TECRL: variants seen among roughly 807,000 people sequenced by gnomAD.
TECRL encodes trans-2,3-enoyl-CoA reductase like, also known as trans-2,3-enoyl-CoA reductase-like.
A neutral mutation model predicts 52.8 loss-of-function variants in TECRL; 63 were observed. The observed-to-expected ratio is 1.19, with a 90% CI of 0.97 to 1.47. The LOEUF (loss-of-function observed/expected upper bound fraction) is 1.47, where lower values mean the gene tolerates loss of function less well. TECRL is among the 40% of genes most tolerant of loss of function. TECRL has a pLI of 0.00. For synonymous variants in TECRL, 164 were observed against 141.9 expected, an observed-to-expected ratio of 1.16 and a Z score of -1.10; for missense variants, 482 against 429.6, an observed-to-expected ratio of 1.12 and a Z score of -1.08.
At chr4:64,311,355 T>C (rs149555838) in intron 5 of TECRL, among the ~76,000 whole-genome samples, 122 of 152,264 alleles carry the variant, frequency 8.0e-4, no homozygotes, top group African/African-American at 2.9e-3. Context: ...ATCATGAATG[T>C]CTGGGGGAAG....
chr4:64,321,455 G>A (rs1258069840), intron 4 of TECRL, among the ~76,000 whole-genome samples: 1 of 151,790 alleles, frequency 6.6e-6, no homozygotes, highest in Non-Finnish European at 1.5e-5. Flanking sequence ...AATATGGAGT[G>A]GAATGTAAAT....
chr4:64,383,235 A>G (rs1210723593), intron 1 of TECRL, among the ~76,000 whole-genome samples: 1 of 151,982 alleles, frequency 6.6e-6, no homozygotes, highest in Non-Finnish European at 1.5e-5. Flanking sequence ...TGATTACAAC[A>G]TGTCTTAAAT....
rs1401631786 is a variant in TECRL, at chr4:64,402,517, C to T, written c.234+6601G>A. Among the ~76,000 whole-genome samples, 2 of 151,972 alleles carry T rather than the reference C, an allele frequency of 1.3e-5. 1 individual carries two copies. The highest frequency in any genetic ancestry group is 4.1e-4 in the South Asian group (2 of 4,830). ...ATTACTGGGATGAGGAGTACATCTG[C>T]TTATAGGAGACCCTAAGTGGCACAT... is the stretch of plus-strand genomic sequence containing the variant. On this transcript the variant is annotated intron_variant, in intron 1 of 11. Transcript: ENST00000381210.
At chr4:64,292,679 A>G (rs908254570) in intron 8 of TECRL, among the ~76,000 whole-genome samples, 10 of 152,004 alleles carry the variant, frequency 6.6e-5, no homozygotes, top group South Asian at 2.1e-4. Flanking sequence ...AAACACACTC[A>G]CAGAACTATA....
intron 2 of TECRL, among the ~76,000 whole-genome samples, chr4:64,372,169 C>T (rs1049593607): frequency 2.6e-5 from 4 of 151,666 alleles, no homozygotes; most frequent in African/African-American, 7.3e-5. Context: ...TTCTTAAGCT[C>T]TCTAGAAGAG....
chr4:64,281,371 T>A, intron 10 of TECRL, 103 bp downstream of exon 10: 1 of 721,576 alleles, frequency 1.4e-6, no homozygotes, highest in Non-Finnish European at 2.3e-6. Flanking sequence ...GACCTCTATA[T>A]TTTTCCTGTA....
intron 2 of TECRL, among the ~76,000 whole-genome samples, chr4:64,352,733 A>C (rs763180127): frequency 6.6e-6 from 1 of 152,222 alleles, no homozygotes; most frequent in Non-Finnish European, 1.5e-5. Context: ...CACACACCAC[A>C]TGTAAGCACT....
At chr4:64,369,424 T>C (rs1721834960) in intron 2 of TECRL, among the ~76,000 whole-genome samples, 1 of 152,162 alleles carries the variant, frequency 6.6e-6, no homozygotes, top group African/African-American at 2.4e-5. Context: ...TCAGATTTAC[T>C]GTGTTATTAT....
downstream of TECRL, chr4:64,277,102 A>C: frequency 7.4e-7 from 1 of 1,347,682 alleles, no homozygotes; most frequent in Non-Finnish European, 1.0e-6. Flanking sequence ...CATAATTAAG[A>C]TATCCTTTAA....
Position 64,395,210 on chromosome 4 carries a change from G to A in TECRL, c.234+13908C>T, listed in dbSNP as rs539535776. On this transcript the variant is annotated intron_variant, in intron 1 of 11. Transcript: ENST00000381210. ...GCTGGGATTACAGACGTAAGCCACC[G>A]CTCCCAGCCAAACGTGAATTTTTTT... is the stretch of plus-strand genomic sequence containing the variant. Among the ~76,000 whole-genome samples the A allele has an allele frequency of 2.4e-3, 358 of 152,002 alleles. 1 individual carries two copies. Among genetic ancestry groups the A allele is most frequent in the African/African-American group, 8.2e-3 (340 of 41,506 alleles).
At chr4:64,395,711 T>C (rs1723898386) in intron 1 of TECRL, among the ~76,000 whole-genome samples, 1 of 152,188 alleles carries the variant, frequency 6.6e-6, no homozygotes, top group Non-Finnish European at 1.5e-5. Flanking sequence ...TGTGCAGGTT[T>C]GTTACGGGGG....
intron 2 of TECRL, among the ~76,000 whole-genome samples, chr4:64,341,238 C>G (rs1486114746): frequency 6.6e-6 from 1 of 152,166 alleles, no homozygotes; most frequent in Non-Finnish European, 1.5e-5. Context: ...CTTCATACCT[C>G]ATTCTTGCTG....
At chr4:64,282,658 G>A (rs561037344) in intron 9 of TECRL, among the ~76,000 whole-genome samples, 2 of 152,104 alleles carry the variant, frequency 1.3e-5, no homozygotes, top group East Asian at 3.9e-4. Context: ...AGAGCCTGTA[G>A]TTTATGAGTG....
intron 2 of TECRL, among the ~76,000 whole-genome samples, chr4:64,374,644 G>A (rs996661155): frequency 4.6e-5 from 7 of 151,388 alleles, no homozygotes; most frequent in Non-Finnish European, 8.8e-5. Context: ...TCCCACCTAT[G>A]AGTGAGAACA....
rs191635574 is a variant in TECRL at position 64,315,511 on chromosome 4, G to T, written c.436-748C>A. On this transcript the variant is annotated intron_variant, in intron 4 of 11. Transcript: ENST00000381210. Reference sequence around the variant, plus strand: ...CTCTGAAGTATTTAGACAGATAAGGGAAAGTAATTTACTTTGGAGTTTTCA... The same window carrying T: ...CTCTGAAGTATTTAGACAGATAAGGTAAAGTAATTTACTTTGGAGTTTTCA... 2.2e-4 allele frequency among the ~76,000 whole-genome samples: 34 copies of T among 152,142 alleles called. 2 individuals are homozygous for T. The highest frequency in any genetic ancestry group is 2.2e-3 in the Admixed American group (33 of 15,278).
intron 7 of TECRL, among the ~76,000 whole-genome samples, chr4:64,300,646 C>T (rs184179193): frequency 2.7e-5 from 4 of 150,910 alleles, no homozygotes; most frequent in African/African-American, 9.7e-5. Context: ...TTTGATAAAC[C>T]TATCATCATA....
intron 3 of TECRL, among the ~76,000 whole-genome samples, 184 bp from the exon 4 acceptor site, chr4:64,322,976 C>T (rs1448456215): frequency 6.6e-6 from 1 of 152,090 alleles, no homozygotes; most frequent in Non-Finnish European, 1.5e-5. Flanking sequence ...TATCTAGCAA[C>T]TCTTCAAATG....
chr4:64,342,620 C>G (rs1219032046), intron 2 of TECRL, among the ~76,000 whole-genome samples: 3 of 152,010 alleles, frequency 2.0e-5, no homozygotes, highest in African/African-American at 7.2e-5. Context: ...TGTTGTTTTA[C>G]TATTCTCAGG....
chr4:64,276,605 TAA>T (rs1377079887), downstream of TECRL: 5 of 152,628 alleles, frequency 3.3e-5, no homozygotes, highest in Non-Finnish European at 5.9e-5. Context: ...CACTGATATG[TAA>T]ATGTAATTGA....
Sources: gnomAD v4.1 joint callset for allele counts (sites outside exome capture counted in the v4.1 genomes callset) on GRCh38, gnomAD v4.1.1 for gene constraint, MANE v1.5 for transcripts, NCBI Gene and HGNC (gene_info 2026-07-23, HGNC 2026-07-21) for gene names.